The following PUS7L variants were observed in gnomAD, a reference collection of about 807,000 sequenced individuals.
PUS7L encodes the protein pseudouridylate synthase PUS7L.
In PUS7L, 49 loss-of-function variants were observed where a neutral mutation model predicts 51.1. That is an observed-to-expected ratio of 0.96 (90% CI 0.76 to 1.22). PUS7L has a LOEUF of 1.22. Among genes scored for constraint, PUS7L ranks in the 50% most tolerant of loss-of-function variants. PUS7L has a pLI of 0.00. For synonymous variants in PUS7L, 277 were observed against 276.2 expected (o/e 1.00, Z -0.03); for missense variants, 828 against 820.6 (o/e 1.01, Z -0.11).
intron 6 of PUS7L, chr12:43,738,064 C>T (rs1937696124): frequency 2.9e-6 from 1 of 342,760 alleles, no homozygotes; most frequent in Non-Finnish European, 5.2e-6. Context: ...CCAAGAAAAA[C>T]TAAGAAACTA....
intron 2 of PUS7L, among the ~76,000 whole-genome samples, chr12:43,749,171 C>T (rs546006955): frequency 6.6e-6 from 1 of 152,288 alleles, no homozygotes; most frequent in Admixed American, 6.5e-5. Flanking sequence ...TCCACTTTTC[C>T]TGTCTCCAAG....
At chr12:43,758,339 C>T in intron 1 of PUS7L, 1 of 985,470 alleles carries the variant, frequency 1.0e-6, no homozygotes, top group Non-Finnish European at 1.2e-6. Context: ...TGCAGTATTC[C>T]CATTCAACAG....
rs139103690 is a variant in PUS7L at position 43,730,488 on chromosome 12, G to A, written c.1994C>T (p.Thr665Met). 7.7e-5 allele frequency: 124 copies of A among 1,613,730 alleles called. No homozygotes were observed. Among genetic ancestry groups the A allele is most frequent in the South Asian group, 2.6e-4 (24 of 91,070 alleles). The part of the protein sequence containing the change: ...LMEDHDIDVK[T>M]KGSHIDETAL... The stretch of plus-strand genomic sequence containing the variant: ...TGTTTCATCAATGTGGGAACCTTTC[G>A]TTTTGACATCAATGTCATGATCTTC... The change falls in exon 9 of 9, where the codon ACG (threonine) becomes ATG (methionine). Residue 665 changes from threonine (T) to methionine (M), a missense_variant. Physicochemically the swap from Thr to Met is moderately conservative, Grantham distance 81. Transcript: ENST00000344862.
In PUS7L at chr12:43,720,595, G is replaced by C. The variant is rs1284703765; in HGVS notation, c.*9781C>G. ...TGTGGCAAAAGAATATACTCATATG[G>C]TTTCAGTCATTTGAAATTTTATTGC... On this transcript the variant is annotated 3_prime_UTR_variant, in exon 9 of 9. Coordinates refer to ENST00000344862, the MANE Select transcript of PUS7L (RefSeq NM_031292.5). 1 of 152,094 alleles carries C rather than the reference G, an allele frequency of 6.6e-6. No individual in the cohort carries two copies. Among genetic ancestry groups the C allele is most frequent in the Non-Finnish European group, 1.5e-5 (1 of 68,012 alleles). The allele number at this position is 152,094 out of a possible 1,614,324, so 9.4% of individuals were successfully genotyped here.
chr12:43,730,808 C>T (rs749634564), intron 8 of PUS7L, 106 bp from the exon 9 acceptor site: 2 of 698,200 alleles, frequency 2.9e-6, no homozygotes, highest in Non-Finnish European at 4.8e-6. Context: ...TAAAAATAGT[C>T]TCAGAATATA....
Position 43,724,419 on chromosome 12 carries a change from G to A in PUS7L, c.*5957C>T, listed in dbSNP as rs1437088562. The A allele has an allele frequency of 1.3e-5, 2 of 151,990 alleles. No individual in the cohort carries two copies. The highest frequency in any genetic ancestry group is 2.9e-5 in the Non-Finnish European group (2 of 67,942). 9.4% of individuals were successfully genotyped at this position (151,990 alleles called of 1,614,324 possible). On this transcript the variant is annotated 3_prime_UTR_variant, in exon 9 of 9. Transcript: ENST00000344862. ...AAATTTTATCAGGGAGCATAGTAAAGTAATACTAACTGTAATAATACTAGC... is the reference window on the plus strand; with the variant it reads ...AAATTTTATCAGGGAGCATAGTAAAATAATACTAACTGTAATAATACTAGC...
intron 7 of PUS7L, among the ~76,000 whole-genome samples, chr12:43,736,016 C>T (rs1218830382): frequency 5.3e-5 from 8 of 152,040 alleles, no homozygotes; most frequent in Admixed American, 2.6e-4. Flanking sequence ...CCTCGTGATC[C>T]GCCCACCTCA....
chr12:43,742,692 T>C (rs1197898345), intron 4 of PUS7L, 137 bp from the exon 5 acceptor site: 2 of 1,248,684 alleles, frequency 1.6e-6, no homozygotes, highest in Non-Finnish European at 1.0e-6. Flanking sequence ...AGGGACCAAA[T>C]GGTCTGAAAA....
In PUS7L at chr12:43,730,086, T is replaced by C. The variant is rs531176836; in HGVS notation, c.*290A>G. 3.2e-6 allele frequency: 1 copy of C among 311,636 alleles called. No individual in the cohort carries two copies. Among genetic ancestry groups the C allele is most frequent in the East Asian group, 5.5e-5 (1 of 18,326 alleles). 19.3% of individuals were successfully genotyped at this position (311,636 alleles called of 1,614,324 possible). A position where few individuals can be genotyped will look rare whatever the true frequency, so the allele number is the denominator to read the frequency against. On this transcript the variant is annotated 3_prime_UTR_variant, in exon 9 of 9. Transcript: ENST00000344862. ...ATGTTATCTTGCAGTATTATATATA[T>C]TCCTAATGGTTTTAAAAGATTGTAA...
intron 2 of PUS7L, among the ~76,000 whole-genome samples, chr12:43,754,044 C>T (rs562533845): frequency 7.9e-5 from 12 of 152,238 alleles, no homozygotes; most frequent in African/African-American, 2.9e-4. Flanking sequence ...TAAACACGAA[C>T]CAACTGCTTC....
chr12:43,736,468 T>C lies in PUS7L; in HGVS notation c.1638A>G (p.Arg546=), dbSNP rs753908062. 3.7e-6 allele frequency: 6 copies of C among 1,614,202 alleles called. No individual in the cohort carries two copies. The highest frequency in any genetic ancestry group is 5.1e-6 in the Non-Finnish European group (6 of 1,180,018). The change falls in exon 7 of 9, where the codon AGA becomes AGG. Residue 546 remains arginine (R), a synonymous_variant. Transcript: ENST00000344862. ...CTACTCTTGCTCCATAGGTTTCAAGTCTGTAAGATACTGCCTCATTCCAAA... is the reference window on the plus strand; with the variant it reads ...CTACTCTTGCTCCATAGGTTTCAAGCCTGTAAGATACTGCCTCATTCCAAA... ...SKIWNEAVSY[R]LETYGARVVQ... is the part of the protein sequence containing the mutation.
intron 8 of PUS7L, 61 bp from the exon 9 acceptor site, chr12:43,730,763 T>A: frequency 1.8e-6 from 2 of 1,139,304 alleles, no homozygotes; most frequent in East Asian, 4.8e-5. Flanking sequence ...ATGATCATAT[T>A]TTTAATGTAC....
chr12:43,734,910 T>C (rs1466221717), intron 7 of PUS7L, among the ~76,000 whole-genome samples: 3 of 152,236 alleles, frequency 2.0e-5, no homozygotes, highest in African/African-American at 4.8e-5. Context: ...GACTGACTTA[T>C]GATAAAGTTG....
chr12:43,738,591 A>G (rs1232978937), intron 5 of PUS7L, among the ~76,000 whole-genome samples, 200 bp from the exon 6 acceptor site: 2 of 152,190 alleles, frequency 1.3e-5, no homozygotes, highest in Non-Finnish European at 2.9e-5. Flanking sequence ...AAATAATTTT[A>G]TATATAGGTT....
chr12:43,740,540 G>T (rs1480495797), intron 5 of PUS7L, among the ~76,000 whole-genome samples: 2 of 152,184 alleles, frequency 1.3e-5, no homozygotes, highest in East Asian at 3.8e-4. Context: ...AGTAGAATGA[G>T]AATATTTAAA....
chr12:43,746,038 T>A lies in PUS7L; in HGVS notation c.1263+8A>T, dbSNP rs1362973408. Reference sequence around the variant, plus strand: ...CCCTGGATGCCTTTTAAAATTAAGTTTTCTTACCTTAACATTTTCTATTGC... The same window carrying A: ...CCCTGGATGCCTTTTAAAATTAAGTATTCTTACCTTAACATTTTCTATTGC... On this transcript the variant is annotated splice_region_variant and intron_variant, in intron 4 of 8. Transcript: ENST00000344862. The A allele has an allele frequency of 7.2e-7, 1 of 1,393,876 alleles. No individual in the cohort carries two copies. The highest frequency in any genetic ancestry group is 1.2e-5 in the South Asian group (1 of 80,214). The allele number at this position is 1,393,876 out of a possible 1,614,324, so 86.3% of individuals were successfully genotyped here.
Position 43,748,469 on chromosome 12 carries a change from TAAC to T in PUS7L, c.1048_1050del (p.Val350del). 1 of 1,591,256 alleles carries T rather than the reference TAAC, an allele frequency of 6.3e-7. No individual in the cohort carries two copies. Among genetic ancestry groups the T allele is most frequent in the Non-Finnish European group, 8.5e-7 (1 of 1,174,434 alleles). ...TATTACCTCTCTGGAGTCACTTTTC[TAAC>T]AACCATTGCTTGATAGGTGATGGCT... is the stretch of plus-strand genomic sequence containing the variant. On this transcript the variant is annotated inframe_deletion, in exon 3 of 9. Transcript: ENST00000344862.
chr12:43,728,444 T>A lies in PUS7L; in HGVS notation c.*1932A>T, dbSNP rs1944484218. On this transcript the variant is annotated 3_prime_UTR_variant, in exon 9 of 9. Coordinates refer to ENST00000344862, the MANE Select transcript of PUS7L (RefSeq NM_031292.5). ...AAAAACTAGGATTTAATAATGTATA[T>A]AACTCATTTTATGATTACATTTATA... 1 of 152,166 alleles carries A rather than the reference T, an allele frequency of 6.6e-6. No individual in the cohort carries two copies. Among genetic ancestry groups the A allele is most frequent in the African/African-American group, 2.4e-5 (1 of 41,456 alleles). The allele number at this position is 152,166 out of a possible 1,614,324, so 9.4% of individuals were successfully genotyped here.
rs377413909 is a variant in PUS7L at position 43,755,049 on chromosome 12, T to C, written c.197A>G (p.Asn66Ser). 109 of 1,613,048 alleles carry C rather than the reference T, an allele frequency of 6.8e-5. No homozygotes were observed. The highest frequency in any genetic ancestry group is 8.7e-5 in the Non-Finnish European group (103 of 1,179,584). The change falls in exon 2 of 9, where the codon AAT becomes AGT. Residue 66 changes from asparagine (N) to serine (S), a missense_variant. Coordinates refer to ENST00000344862, the MANE Select transcript of PUS7L (RefSeq NM_031292.5). Reference protein sequence around the residue: ...KISEIQLEPNNFPKKPKLDLQ... With the variant: ...KISEIQLEPNSFPKKPKLDLQ... ...ATCTAGTTTTGGTTTTTTGGGAAAATTATTTGGCTCAAGTTGTATTTCACT... is the reference window on the plus strand; with the variant it reads ...ATCTAGTTTTGGTTTTTTGGGAAAACTATTTGGCTCAAGTTGTATTTCACT...
Sources: allele counts gnomAD v4.1 joint callset (sites outside exome capture counted in the v4.1 genomes callset), GRCh38; gene constraint gnomAD v4.1.1; transcripts MANE v1.5; gene names NCBI Gene and HGNC (gene_info 2026-07-23, HGNC 2026-07-21).